ACSM1: variants seen among roughly 807,000 people sequenced by gnomAD.
ACSM1 encodes the protein acyl-coenzyme A synthetase ACSM1, mitochondrial.
ACSM1 carries 79 observed loss-of-function variants against 75.8 expected under a neutral mutation model. That is an observed-to-expected ratio of 1.04 (90% confidence interval 0.87 to 1.26). The LOEUF is 1.26. Ranked by LOEUF, ACSM1 falls within the 50% of genes most tolerant of loss-of-function variation. ACSM1 has a pLI of 0.00. For missense variants in ACSM1, 676 were observed against 720.1 expected (o/e 0.94, Z 0.70); for synonymous variants, 279 against 265.8 (o/e 1.05, Z -0.48).
At position 20,627,192 on chromosome 16, in the gene ACSM1, G is replaced by A; in HGVS notation, c.1424C>T (p.Ser475Phe). Residue 475 changes from serine (S) to phenylalanine (F), a missense_variant, in exon 11 of 14, where the codon TCT becomes TTT. By Grantham distance (155) the Ser-to-Phe change is radical (BLOSUM62 -2). Transcript: ENST00000520010. Reference protein sequence around the residue: ...LGRSDDIINASGYRIGPAEVE... With the variant: ...LGRSDDIINAFGYRIGPAEVE... ...GCCCAGCATCAGCCACACCTACCCA[G>A]AGGCATTAATGATGTCATCACTCCT... 6.4e-7 allele frequency: 1 copy of A among 1,551,616 alleles called. No homozygotes were observed.
intron 1 of ACSM1, among the ~76,000 whole-genome samples, chr16:20,694,150 C>T (rs1315717302): frequency 6.6e-6 from 1 of 152,194 alleles, no homozygotes; most frequent in Non-Finnish European, 1.5e-5. Context: ...TTCCTTTGTT[C>T]TCCTCTACCT....
At chr16:20,672,008 AATGAGTTACAAAT>A (rs2019937239) in intron 4 of ACSM1, among the ~76,000 whole-genome samples, 1 of 152,192 alleles carries the variant, frequency 6.6e-6, no homozygotes, top group Admixed American at 6.5e-5. Flanking sequence ...CAATGCTCTC[AATGAGTTACAAAT>A]ATGAACCATT....
chr16:20,625,625 G>A (rs1000801390), intron 11 of ACSM1, 103 bp from the exon 12 acceptor site: 1 of 1,062,124 alleles, frequency 9.4e-7, no homozygotes, highest in African/African-American at 1.6e-5. Context: ...AGAGGGTGGA[G>A]GTCATAGGAA....
chr16:20,696,932 G>A (rs944980134), intron 1 of ACSM1, among the ~76,000 whole-genome samples: 1 of 152,152 alleles, frequency 6.6e-6, no homozygotes, highest in Non-Finnish European at 1.5e-5. Context: ...GAACTTAAGC[G>A]CACAGTAGTA....
chr16:20,679,600 C>A (rs1466287611), intron 4 of ACSM1: 2 of 152,134 alleles, frequency 1.3e-5, no homozygotes, highest in African/African-American at 4.8e-5. Context: ...AATGTTGTTA[C>A]CATTTCTGCC....
intron 7 of ACSM1, among the ~76,000 whole-genome samples, chr16:20,650,026 C>A (rs894017854): frequency 6.6e-6 from 1 of 152,174 alleles, no homozygotes; most frequent in African/African-American, 2.4e-5. Flanking sequence ...AGCTAAGGTA[C>A]CAGCAGGGCC....
chr16:20,623,272 G>A lies in ACSM1; in HGVS notation c.*214C>T. The A allele has an allele frequency of 1.9e-6, 1 of 539,300 alleles. No individual in the cohort carries two copies. Among genetic ancestry groups the A allele is most frequent in the Non-Finnish European group, 3.3e-6 (1 of 299,102 alleles). 33.4% of individuals were successfully genotyped at this position (539,300 alleles called of 1,614,324 possible). On this transcript the variant is annotated 3_prime_UTR_variant, in exon 14 of 14. Transcript: ENST00000520010. ...GTATTTTATTACTTGCGTTATGAGT[G>A]CTCACCTGGGAAATTCTAAAGATAC...
chr16:20,691,320 T>C, intron 1 of ACSM1, 81 bp from the exon 2 acceptor site: 2 of 712,310 alleles, frequency 2.8e-6, no homozygotes. Context: ...GGTTAATTGC[T>C]ACAGTTATAG....
chr16:20,630,989 C>A (rs1477815241), intron 10 of ACSM1, among the ~76,000 whole-genome samples: 1 of 152,150 alleles, frequency 6.6e-6, no homozygotes, highest in Non-Finnish European at 1.5e-5. Flanking sequence ...AAATAAAAAA[C>A]ACAGCATATT....
intron 4 of ACSM1, among the ~76,000 whole-genome samples, chr16:20,672,473 T>A (rs2880113): frequency 0.25 from 14,791 of 58,232 alleles, 1,593 homozygotes; most frequent in African/African-American, 0.29. Context: ...AAAAAAAAAA[T>A]ATATATATAT....
chr16:20,685,407 G>A lies in ACSM1; in HGVS notation c.193-4C>T, dbSNP rs774200825. Reference sequence around the variant, plus strand: ...GATTTGGACCTCTCTTGCCCTCCTGGTCAAGACCATATATTATGTGTTATT... The same window carrying A: ...GATTTGGACCTCTCTTGCCCTCCTGATCAAGACCATATATTATGTGTTATT... On this transcript the variant is annotated splice_polypyrimidine_tract_variant and splice_region_variant and intron_variant, in intron 2 of 13. Coordinates refer to ENST00000520010, the MANE Select transcript of ACSM1 (RefSeq NM_001318890.3). The A allele has an allele frequency of 6.2e-7, 1 of 1,613,886 alleles. No individual in the cohort carries two copies. Among genetic ancestry groups the A allele is most frequent in the South Asian group, 1.1e-5 (1 of 91,062 alleles).
intron 10 of ACSM1, among the ~76,000 whole-genome samples, chr16:20,629,154 G>A (rs1331107970): frequency 6.6e-6 from 1 of 151,644 alleles, no homozygotes; most frequent in Non-Finnish European, 1.5e-5. Flanking sequence ...TGAGAAAATT[G>A]TTTTTTTTAA....
intron 7 of ACSM1, among the ~76,000 whole-genome samples, chr16:20,656,580 T>A (rs905537332): frequency 1.3e-5 from 2 of 152,192 alleles, no homozygotes; most frequent in Non-Finnish European, 2.9e-5. Context: ...TCTTTTTGGT[T>A]AAGAAACATT....
chr16:20,693,147 GCA>G (rs1185845570), intron 1 of ACSM1, among the ~76,000 whole-genome samples: 3 of 150,212 alleles, frequency 2.0e-5, no homozygotes, highest in Admixed American at 2.0e-4. Context: ...TGAAGCCTGG[GCA>G]ACAGAGCAAA....
intron 6 of ACSM1, among the ~76,000 whole-genome samples, chr16:20,665,767 C>T (rs191918608): frequency 6.6e-6 from 1 of 152,210 alleles, no homozygotes; most frequent in East Asian, 1.9e-4. Context: ...TCCTGCAGCA[C>T]ATCAAAAAGT....
rs534240111 is a variant in ACSM1, at chr16:20,661,416, T to G, written c.992+378A>C. Among the ~76,000 whole-genome samples, 13 of 152,294 alleles carry G rather than the reference T, an allele frequency of 8.5e-5. 2 individuals are homozygous for G. In the East Asian group the frequency reaches 2.5e-3, roughly 29 times the overall value. ...CAACATAAAGGTCAAGATAGTTGTT[T>G]CCTTTAAGGGAGATGGAAGTCTCTG... On this transcript the variant is annotated intron_variant, in intron 7 of 13. Transcript: ENST00000520010.
At chr16:20,641,696 T>C (rs2018072176) in intron 7 of ACSM1, among the ~76,000 whole-genome samples, 1 of 152,198 alleles carries the variant, frequency 6.6e-6, no homozygotes, top group South Asian at 2.1e-4. Context: ...TCTCAAACTG[T>C]CTTTTTCTCA....
intron 10 of ACSM1, among the ~76,000 whole-genome samples, chr16:20,636,421 G>A (rs1788242600): frequency 6.6e-6 from 1 of 152,068 alleles, no homozygotes; most frequent in African/African-American, 2.4e-5. Context: ...TAAGTGATTT[G>A]TTTACACTCT....
chr16:20,645,322 A>G (rs1435643629), intron 7 of ACSM1, among the ~76,000 whole-genome samples: 1 of 152,178 alleles, frequency 6.6e-6, no homozygotes, highest in East Asian at 1.9e-4. Flanking sequence ...CTCATCAGAA[A>G]ATGACTAGGG....
Sources: allele counts gnomAD v4.1 joint callset (sites outside exome capture counted in the v4.1 genomes callset), GRCh38; gene constraint gnomAD v4.1.1; transcripts MANE v1.5; gene names NCBI Gene and HGNC (gene_info 2026-07-23, HGNC 2026-07-21).